Variants in WNT8B observed in about 807,000 individuals in gnomAD.
WNT8B encodes protein Wnt-8b.
Under a neutral mutation model 36.6 loss-of-function variants are expected in WNT8B, and 24 were observed. That is an observed-to-expected ratio of 0.66 (90% CI 0.48 to 0.92). The LOEUF is 0.92. Ranked by LOEUF, WNT8B falls within the 40% of genes least tolerant of loss-of-function variation. The pLI, the probability that WNT8B is intolerant of heterozygous loss-of-function variation, is 0.00. For synonymous variants in WNT8B, 199 were observed against 189.8 expected, an observed-to-expected ratio of 1.05 and a Z score of -0.40; for missense variants, 402 against 470.8, an observed-to-expected ratio of 0.85 and a Z score of 1.35.
chr10:100,470,901 C>T (rs150126324), intron 1 of WNT8B, among the ~76,000 whole-genome samples: 1 of 152,274 alleles, frequency 6.6e-6, no homozygotes, highest in Non-Finnish European at 1.5e-5. Context: ...CACCACCACG[C>T]CCAGCTAATT....
chr10:100,473,547 G>C (rs1166471328), intron 1 of WNT8B, among the ~76,000 whole-genome samples: 1 of 152,066 alleles, frequency 6.6e-6, no homozygotes, highest in Non-Finnish European at 1.5e-5. Flanking sequence ...TTTGTGTCTG[G>C]CTTCTTTCAC....
chr10:100,474,182 T>G (rs538015453), intron 1 of WNT8B, among the ~76,000 whole-genome samples: 1 of 152,220 alleles, frequency 6.6e-6, no homozygotes, highest in African/African-American at 2.4e-5. Context: ...CAGGAAGTCA[T>G]GAACCCTTTG....
chr10:100,472,341 G>A (rs915867473), intron 1 of WNT8B, among the ~76,000 whole-genome samples: 107 of 151,620 alleles, frequency 7.1e-4, no homozygotes, highest in African/African-American at 1.8e-3. Context: ...CTCATGATCC[G>A]CCCGCCTCAG....
intron 1 of WNT8B, among the ~76,000 whole-genome samples, chr10:100,468,807 G>A (rs553810666): frequency 6.6e-6 from 1 of 152,344 alleles, no homozygotes; most frequent in African/African-American, 2.4e-5. Context: ...AAGATCCATG[G>A]TACAGAGTTG....
chr10:100,463,184 C>T lies in WNT8B; in HGVS notation c.16C>T (p.Pro6Ser). The T allele has an allele frequency of 1.2e-6, 2 of 1,613,844 alleles. No homozygotes were observed. Among genetic ancestry groups the T allele is most frequent in the East Asian group, 2.2e-5 (1 of 44,856 alleles). ...CCAGAGGATTATGTTTCTTTCAAAG[C>T]CTTCTGTGTACATCTGTCTTTTCAC... MFLSKPSVYICLFTCV... is the reference protein window; with the variant it reads MFLSKSSVYICLFTCV... Residue 6 changes from proline (P) to serine (S), a missense_variant, in exon 1 of 6, where the codon CCT becomes TCT. Coordinates refer to ENST00000343737, the MANE Select transcript of WNT8B (RefSeq NM_003393.4).
chr10:100,478,586 T>G (rs10883502), intron 1 of WNT8B, among the ~76,000 whole-genome samples: 32,282 of 151,770 alleles, frequency 0.21, 3,497 homozygotes, highest in South Asian at 0.23. Context: ...TGTGTGTTTT[T>G]TTTTTTTTGT....
intron 4 of WNT8B, 138 bp downstream of exon 4, chr10:100,481,261 C>G (rs1332191515): frequency 8.0e-7 from 1 of 1,243,252 alleles, no homozygotes; most frequent in Non-Finnish European, 1.1e-6. Flanking sequence ...CGAGTTTGAT[C>G]CCAAGCCCTA....
intron 1 of WNT8B, among the ~76,000 whole-genome samples, chr10:100,464,897 A>T (rs544107545): frequency 6.6e-6 from 1 of 152,360 alleles, no homozygotes; most frequent in Non-Finnish European, 1.5e-5. Context: ...TTTAAATTTA[A>T]CATTAAACGT....
Position 100,482,363 on chromosome 10 carries a change from C to T in WNT8B, c.603C>T (p.Phe201=). 5 of 1,605,676 alleles carry T rather than the reference C, an allele frequency of 3.1e-6. No homozygotes were observed. The highest frequency in any genetic ancestry group is 4.2e-6 in the Non-Finnish European group (5 of 1,179,928). ...TQTCWLQLPE[F]REVGAHLKEK... ...CCTGTTGGCTGCAGCTGCCCGAGTTCCGCGAGGTGGGCGCGCACCTGAAGG... is the reference window on the plus strand; with the variant it reads ...CCTGTTGGCTGCAGCTGCCCGAGTTTCGCGAGGTGGGCGCGCACCTGAAGG... The change falls in exon 6 of 6, where the codon TTC becomes TTT. Residue 201 remains phenylalanine, a synonymous_variant. Transcript: ENST00000343737. This position sits in a 1 kb window ranked among gnomAD's most constrained non-coding sequence, Gnocchi z 6.6.
In WNT8B at chr10:100,483,149, G is replaced by T. The variant is rs930377314; in HGVS notation, c.*333G>T. ...TGACCTAGCCTATCAAGCCTTAGGC[G>T]CTGGAAGAACCCTTCTCAGACACGC... is the stretch of plus-strand genomic sequence containing the variant. On this transcript the variant is annotated 3_prime_UTR_variant, in exon 6 of 6. Transcript: ENST00000343737. The T allele has an allele frequency of 3.7e-6, 1 of 269,596 alleles. No individual in the cohort carries two copies. The highest frequency in any genetic ancestry group is 1.0e-3 in the Middle Eastern group (1 of 972). 16.7% of individuals were successfully genotyped at this position (269,596 alleles called of 1,614,324 possible). A position where few individuals can be genotyped will look rare whatever the true frequency, so the allele number is the denominator to read the frequency against.
At chr10:100,479,749 A>G in intron 2 of WNT8B, 125 bp from the exon 3 acceptor site, 1 of 1,228,968 alleles carries the variant, frequency 8.1e-7, no homozygotes, top group Non-Finnish European at 1.1e-6. Context: ...ATGAGACAGC[A>G]TATTTAAAGG....
rs1208820448 is a variant in WNT8B, at chr10:100,482,675, C to A, written c.915C>A (p.Thr305=). Reference sequence around the variant, plus strand: ...CGGTGGAGGAGCGCCGGGCCGAGACCGTGTCCAGCTGCAACTGCAAGTTCC... The same window carrying A: ...CGGTGGAGGAGCGCCGGGCCGAGACAGTGTCCAGCTGCAACTGCAAGTTCC... The part of the protein sequence containing the change: ...GLAVEERRAE[T]VSSCNCKFHW... The change falls in exon 6 of 6, where the codon ACC becomes ACA. Residue 305 remains threonine (T), a synonymous_variant. Coordinates refer to ENST00000343737, the MANE Select transcript of WNT8B (RefSeq NM_003393.4). The surrounding 1 kb of genome is among the most constrained non-coding windows in gnomAD (Gnocchi z 6.6). 6.2e-7 allele frequency: 1 copy of A among 1,609,550 alleles called. No individual in the cohort carries two copies. The highest frequency in any genetic ancestry group is 1.1e-5 in the South Asian group (1 of 90,916).
At chr10:100,480,077 C>T in intron 3 of WNT8B, 65 bp downstream of exon 3, 1 of 1,562,086 alleles carries the variant, frequency 6.4e-7, no homozygotes. Context: ...CCAGGGATAG[C>T]CCCTTGCCTC....
intron 1 of WNT8B, among the ~76,000 whole-genome samples, chr10:100,470,511 A>T (rs994350325): frequency 4.6e-5 from 7 of 152,086 alleles, no homozygotes; most frequent in Non-Finnish European, 1.0e-4. Flanking sequence ...GATAACAGGC[A>T]TGAGCCACCA....
In WNT8B at chr10:100,483,484, G is replaced by A. The variant is rs1170923036; in HGVS notation, c.*668G>A. 2.0e-5 allele frequency: 3 copies of A among 152,170 alleles called. No homozygotes were observed. The highest frequency in any genetic ancestry group is 2.0e-4 in the Admixed American group (3 of 15,270). The allele number at this position is 152,170 out of a possible 1,614,324, so 9.4% of individuals were successfully genotyped here. On this transcript the variant is annotated 3_prime_UTR_variant, in exon 6 of 6. Transcript: ENST00000343737. ...ATCCCTATGGTATCATATCATGAAT[G>A]GACTTTACTAGTGGGGCAATGACTT...
intron 1 of WNT8B, among the ~76,000 whole-genome samples, chr10:100,470,584 G>A (rs542427226): frequency 6.6e-6 from 1 of 152,134 alleles, no homozygotes; most frequent in Non-Finnish European, 1.5e-5. Flanking sequence ...AGGTTGGGGA[G>A]AAGCCAGAAA....
chr10:100,465,090 G>A (rs1331209892), intron 1 of WNT8B, among the ~76,000 whole-genome samples: 1 of 152,110 alleles, frequency 6.6e-6, no homozygotes, highest in African/African-American at 2.4e-5. Flanking sequence ...CTGCTTGGCT[G>A]TTCAATTGTA....
intron 1 of WNT8B, among the ~76,000 whole-genome samples, chr10:100,471,512 T>A (rs1356094019): frequency 6.6e-6 from 1 of 152,242 alleles, no homozygotes; most frequent in Non-Finnish European, 1.5e-5. Context: ...GACAATGTGA[T>A]AATTAACTGA....
intron 3 of WNT8B, 136 bp downstream of exon 3, chr10:100,480,148 T>C: frequency 8.7e-7 from 1 of 1,143,988 alleles, no homozygotes; most frequent in Non-Finnish European, 1.2e-6. Flanking sequence ...TCCAGGATCT[T>C]CTCTTTTCCT....
Sources: allele counts gnomAD v4.1 joint callset (sites outside exome capture counted in the v4.1 genomes callset), GRCh38; gene constraint gnomAD v4.1.1; non-coding constraint Gnocchi (gnomAD v3.1); transcripts MANE v1.5; gene names NCBI Gene and HGNC (gene_info 2026-07-23, HGNC 2026-07-21).